Variants in PAH observed in about 807,000 individuals in gnomAD.
PAH encodes phenylalanine hydroxylase.
PAH carries 64 observed loss-of-function variants against 62.0 expected under a neutral mutation model. That is an observed-to-expected ratio of 1.03 (90% CI 0.84 to 1.27). PAH has a LOEUF of 1.27. Among genes scored for constraint, PAH ranks in the 50% most tolerant of loss-of-function variants. The probability of loss-of-function intolerance (pLI) is 0.00; values close to 1 mark genes in which losing one functional copy is unlikely to be tolerated. For synonymous variants in PAH, 195 were observed against 196.2 expected (o/e 0.99, Z 0.05); for missense variants, 579 against 542.8 (o/e 1.07, Z -0.66).
chr12:102,913,207 A>G (rs1446087847), intron 1 of PAH, among the ~76,000 whole-genome samples: 1 of 152,206 alleles, frequency 6.6e-6, no homozygotes, highest in Non-Finnish European at 1.5e-5. Flanking sequence ...TCCAGGCACT[A>G]TTTGGGCTCT....
At chr12:102,877,287 G>T in intron 4 of PAH, 175 bp downstream of exon 4, 1 of 672,282 alleles carries the variant, frequency 1.5e-6, no homozygotes, top group Non-Finnish European at 2.7e-6. Context: ...CCATGATAAT[G>T]ATGATGACAA....
intron 7 of PAH, among the ~76,000 whole-genome samples, chr12:102,852,535 T>C (rs1480127490): frequency 2.0e-5 from 3 of 152,246 alleles, no homozygotes; most frequent in African/African-American, 7.2e-5. Flanking sequence ...TGCAACTTCG[T>C]AGCTTTGACT....
At chr12:102,882,743 C>A (rs1429385042) in intron 3 of PAH, among the ~76,000 whole-genome samples, 1 of 149,562 alleles carries the variant, frequency 6.7e-6, no homozygotes, top group Non-Finnish European at 1.5e-5. Context: ...TTCCAGCAAG[C>A]CTAGAAAGTC....
chr12:102,948,761 A>G (rs1879607546), intron 1 of PAH, among the ~76,000 whole-genome samples: 4 of 152,222 alleles, frequency 2.6e-5, no homozygotes, highest in Non-Finnish European at 4.4e-5. Flanking sequence ...TCTTTAGTAT[A>G]CAAAAGGACT....
chr12:102,895,846 C>A (rs1174950066), intron 2 of PAH, among the ~76,000 whole-genome samples: 1 of 128,368 alleles, frequency 7.8e-6, no homozygotes, highest in East Asian at 2.1e-4. Context: ...CAGAGCGAGA[C>A]TCTGTCTCAA....
chr12:102,919,625 G>A (rs1390441353), upstream of PAH, among the ~76,000 whole-genome samples: 2 of 151,830 alleles, frequency 1.3e-5, no homozygotes, highest in Middle Eastern at 3.2e-3. Context: ...CTGGTAATTA[G>A]CTCTCTACTC....
intron 3 of PAH, among the ~76,000 whole-genome samples, chr12:102,888,127 T>G (rs1455427533): frequency 6.6e-6 from 1 of 151,870 alleles, no homozygotes; most frequent in Non-Finnish European, 1.5e-5. Flanking sequence ...AAGGGTAAGT[T>G]TACTTGTAAC....
intron 2 of PAH, among the ~76,000 whole-genome samples, chr12:102,904,417 C>T (rs1877888480): frequency 6.6e-6 from 1 of 152,100 alleles, no homozygotes; most frequent in Admixed American, 6.5e-5. Flanking sequence ...AAACAGGGTC[C>T]CATGGTAAAT....
intron 1 of PAH, among the ~76,000 whole-genome samples, chr12:102,930,492 T>G (rs1878821041): frequency 6.6e-6 from 1 of 152,188 alleles, no homozygotes; most frequent in South Asian, 2.1e-4. Context: ...CACAGACACC[T>G]TTGAGATCCA....
At chr12:102,842,505 C>G (rs1392884371) in intron 11 of PAH, among the ~76,000 whole-genome samples, 2 of 152,084 alleles carry the variant, frequency 1.3e-5, no homozygotes, top group African/African-American at 4.8e-5. Flanking sequence ...CCAAAGGGTT[C>G]TCAAACAAAT....
intron 1 of PAH, among the ~76,000 whole-genome samples, chr12:102,945,347 C>T (rs1879455004): frequency 6.6e-6 from 1 of 152,236 alleles, no homozygotes; most frequent in Non-Finnish European, 1.5e-5. Context: ...CAGGGTGACA[C>T]ATTCTCCCCA....
intron 1 of PAH, among the ~76,000 whole-genome samples, chr12:102,925,062 A>G (rs1565877570): frequency 6.6e-6 from 1 of 152,108 alleles, no homozygotes; most frequent in Non-Finnish European, 1.5e-5. Context: ...TGGAAACTCA[A>G]TATTAGTTTT....
chr12:102,922,486 C>T (rs190236057), intron 1 of PAH, among the ~76,000 whole-genome samples: 76 of 152,306 alleles, frequency 5.0e-4, no homozygotes, highest in African/African-American at 1.8e-3. Context: ...GTCACCACGC[C>T]CGGCCCTAAA....
intron 1 of PAH, chr12:102,923,740 G>C (rs1028690886): frequency 6.6e-6 from 1 of 152,136 alleles, no homozygotes; most frequent in African/African-American, 2.4e-5. Flanking sequence ...TTTCTCTAAT[G>C]GGATATTTTG....
chr12:102,871,269 T>C (rs1876303458), intron 4 of PAH, among the ~76,000 whole-genome samples: 1 of 152,228 alleles, frequency 6.6e-6, no homozygotes. Context: ...GCTCTGTCTA[T>C]GTGTCCAGCC....
At chr12:102,893,622 A>T (rs1877370951) in intron 3 of PAH, among the ~76,000 whole-genome samples, 1 of 152,104 alleles carries the variant, frequency 6.6e-6, no homozygotes, top group Non-Finnish European at 1.5e-5. Flanking sequence ...TAATCCTCAC[A>T]AAAGCCCTAT....
chr12:102,924,800 C>T (rs900601631), intron 1 of PAH, among the ~76,000 whole-genome samples: 5 of 152,112 alleles, frequency 3.3e-5, no homozygotes, highest in African/African-American at 1.2e-4. Context: ...TCTGCATTAC[C>T]CATGGACTTG....
intron 2 of PAH, among the ~76,000 whole-genome samples, chr12:102,905,504 T>C (rs1385312062): frequency 3.3e-5 from 5 of 152,172 alleles, no homozygotes; most frequent in African/African-American, 1.2e-4. Flanking sequence ...CATTCTGCTT[T>C]CTCATAACAA....
intron 4 of PAH, among the ~76,000 whole-genome samples, chr12:102,871,955 T>A (rs1339514003): frequency 0.029 from 676 of 23,060 alleles, 9 homozygotes; most frequent in East Asian, 0.068. Flanking sequence ...AAAAAATATA[T>A]ATATATATAT....
Sources: gnomAD v4.1 joint callset for allele counts (sites outside exome capture counted in the v4.1 genomes callset) on GRCh38, gnomAD v4.1.1 for gene constraint, MANE v1.5 for transcripts, NCBI Gene and HGNC (gene_info 2026-07-23, HGNC 2026-07-21) for gene names.